Variants in TRMT10A observed in about 807,000 individuals in gnomAD.
The protein encoded by TRMT10A is tRNA methyltransferase 10 homolog A.
A neutral mutation model predicts 40.4 loss-of-function variants in TRMT10A; 37 were observed. The observed-to-expected ratio is 0.92, with a 90% CI of 0.71 to 1.21. The LOEUF (loss-of-function observed/expected upper bound fraction) is 1.21. Ranked by LOEUF, TRMT10A falls within the 50% of genes most tolerant of loss-of-function variation. The pLI, the probability that TRMT10A is intolerant of heterozygous loss-of-function variation, is 0.00. For synonymous variants in TRMT10A, 103 were observed against 134.1 expected (o/e 0.77, Z 1.60); for missense variants, 388 against 404.3 (o/e 0.96, Z 0.35).
At chr4:99,563,797 G>A in intron 1 of TRMT10A, 116 bp downstream of exon 1, 1 of 586,420 alleles carries the variant, frequency 1.7e-6, no homozygotes, top group Non-Finnish European at 3.2e-6. Context: ...CCACACCACT[G>A]CTCCCCTCTC....
Position 99,548,013 on chromosome 4 carries a change from G to C in TRMT10A, c.*1075C>G, listed in dbSNP as rs978337696. On this transcript the variant is annotated 3_prime_UTR_variant, in exon 8 of 8. Coordinates refer to ENST00000394876, the MANE Select transcript of TRMT10A (RefSeq NM_001134665.3). ...TTCTTGCCAATGTTCCCATACAAAC[G>C]TTAAGGATTTTTGTACTTAATAAAA... The C allele has an allele frequency of 6.6e-6, 1 of 151,922 alleles. No homozygotes were observed. Among genetic ancestry groups the C allele is most frequent in the African/African-American group, 2.4e-5 (1 of 41,380 alleles). 9.4% of individuals were successfully genotyped at this position (151,922 alleles called of 1,614,324 possible).
chr4:99,548,998 G>T lies in TRMT10A; in HGVS notation c.*90C>A. ...TTTAAAAATCACAACAGAAATAAGA[G>T]AAAATAAAATGTTCTTCCAATTTCA... On this transcript the variant is annotated 3_prime_UTR_variant, in exon 8 of 8. Transcript: ENST00000394876. 7.5e-7 allele frequency: 1 copy of T among 1,333,746 alleles called. No homozygotes were observed. Among genetic ancestry groups the T allele is most frequent in the Non-Finnish European group, 9.9e-7 (1 of 1,006,766 alleles). The allele number at this position is 1,333,746 out of a possible 1,614,324, so 82.6% of individuals were successfully genotyped here. A position where few individuals can be genotyped will look rare whatever the true frequency, so the allele number is the denominator to read the frequency against.
rs538484510 is a variant in TRMT10A, at chr4:99,555,877, A to C, written c.495+269T>G. Among the ~76,000 whole-genome samples, 13 of 152,338 alleles carry C rather than the reference A, an allele frequency of 8.5e-5. No individual in the cohort carries two copies. In the South Asian group the frequency reaches 2.7e-3, roughly 32 times the overall value. ...AGCTAGTATGTTAGGGAGAAATGAT[A>C]TAAAGGCCCTTAAAATTATTTCTTT... On this transcript the variant is annotated intron_variant, in intron 5 of 7. Coordinates refer to ENST00000394876, the MANE Select transcript of TRMT10A (RefSeq NM_001134665.3).
rs1724058111 is a variant in TRMT10A, at chr4:99,553,912, T to C, written c.518A>G (p.His173Arg). ...TTCTTTCTTTATGAGTTCACTATAG[T>C]GCTCTGGTTTGATATGGATATCCTT... is the stretch of plus-strand genomic sequence containing the variant. Reference protein sequence around the residue: ...NWKDIHIKPEHYSELIKKEDL... With the variant: ...NWKDIHIKPERYSELIKKEDL... The change falls in exon 6 of 8, where the codon CAC (histidine) becomes CGC (arginine). Residue 173 changes from histidine (H) to arginine (R), a missense_variant. By Grantham distance (29) the His-to-Arg change is conservative. Coordinates refer to ENST00000394876, the MANE Select transcript of TRMT10A (RefSeq NM_001134665.3). 1 of 1,613,272 alleles carries C rather than the reference T, an allele frequency of 6.2e-7. No homozygotes were observed. The highest frequency in any genetic ancestry group is 8.5e-7 in the Non-Finnish European group (1 of 1,179,690).
chr4:99,554,050 T>C (rs977253008), intron 5 of TRMT10A, 116 bp from the exon 6 acceptor site: 10 of 1,026,916 alleles, frequency 9.7e-6, no homozygotes, highest in Non-Finnish European at 1.3e-5. Flanking sequence ...AAACAAAGTT[T>C]GAAATAATAT....
chr4:99,557,773 GTAGT>G (rs1321766216), intron 3 of TRMT10A: 3 of 417,308 alleles, frequency 7.2e-6, no homozygotes, highest in Non-Finnish European at 1.3e-5. Flanking sequence ...TGATCAATAA[GTAGT>G]TAATTTAGTT....
At chr4:99,553,320 G>T (rs931285303) in intron 6 of TRMT10A, among the ~76,000 whole-genome samples, 1 of 152,166 alleles carries the variant, frequency 6.6e-6, no homozygotes, top group Non-Finnish European at 1.5e-5. Flanking sequence ...TAAAGGTATG[G>T]ATGGGAAGAG....
rs1723871192 is a variant in TRMT10A, at chr4:99,549,288, G to C, written c.820C>G (p.Gln274Glu). The stretch of plus-strand genomic sequence containing the variant: ...TCTGTGGGAACAGCTCCTTTCCGTT[G>C]GGGCAAGATAGTAAAAAATGCTTCT... ...WQEAFFTILP[Q>E]RKGAVPTDKA... The change falls in exon 8 of 8, where the codon CAA (glutamine) becomes GAA (glutamate). Residue 274 changes from glutamine (Q) to glutamate (E), a missense_variant. Physicochemically the swap from Gln to Glu is conservative, Grantham distance 29 (BLOSUM62 2). Transcript: ENST00000394876. 1 of 1,613,940 alleles carries C rather than the reference G, an allele frequency of 6.2e-7. No individual in the cohort carries two copies. The highest frequency in any genetic ancestry group is 8.5e-7 in the Non-Finnish European group (1 of 1,179,990).
chr4:99,559,034 TA>T (rs2110192372), intron 2 of TRMT10A, 119 bp downstream of exon 2: 8 of 1,130,374 alleles, frequency 7.1e-6, no homozygotes, highest in Admixed American at 2.6e-5. Flanking sequence ...CGCTTTTGTC[TA>T]AAATTAGTAA....
At chr4:99,551,076 T>A in intron 6 of TRMT10A, 86 bp from the exon 7 acceptor site, 1 of 544,518 alleles carries the variant, frequency 1.8e-6, no homozygotes. Flanking sequence ...AGATAAGATT[T>A]ATAGTTCAGA....
intron 1 of TRMT10A, among the ~76,000 whole-genome samples, chr4:99,559,778 G>C (rs1211574008): frequency 3.3e-5 from 5 of 152,150 alleles, no homozygotes; most frequent in Non-Finnish European, 5.9e-5. Flanking sequence ...CTGAATGTCA[G>C]TGAAAGGAAA....
Position 99,553,948 on chromosome 4 carries a change from G to T in TRMT10A, c.496-14C>A. Reference sequence around the variant, plus strand: ...GATATGGATATCCTTTAAGACAACAGGGAAAGAGGTTACTAATTAATAAGA... The same window carrying T: ...GATATGGATATCCTTTAAGACAACATGGAAAGAGGTTACTAATTAATAAGA... On this transcript the variant is annotated splice_polypyrimidine_tract_variant and intron_variant, in intron 5 of 7. Coordinates refer to ENST00000394876, the MANE Select transcript of TRMT10A (RefSeq NM_001134665.3). The T allele has an allele frequency of 1.2e-6, 2 of 1,606,842 alleles. No individual in the cohort carries two copies. Among genetic ancestry groups the T allele is most frequent in the Non-Finnish European group, 1.7e-6 (2 of 1,178,208 alleles).
chr4:99,548,950 T>C lies in TRMT10A; in HGVS notation c.*138A>G. The C allele has an allele frequency of 3.8e-6, 3 of 791,634 alleles. No homozygotes were observed. Among genetic ancestry groups the C allele is most frequent in the South Asian group, 3.5e-5 (1 of 28,740 alleles). The allele number at this position is 791,634 out of a possible 1,614,324, so 49.0% of individuals were successfully genotyped here. On this transcript the variant is annotated 3_prime_UTR_variant, in exon 8 of 8. Coordinates refer to ENST00000394876, the MANE Select transcript of TRMT10A (RefSeq NM_001134665.3). ...GTTTAAAGGGCTTTTTTTTTTATTA[T>C]TATTTAGGTCCAAAAAAAAGTTTTT...
At position 99,563,933 on chromosome 4, in the gene TRMT10A, G is replaced by C. The variant is rs769156013; in HGVS notation, c.-44C>G. Reference sequence around the variant, plus strand: ...CTTACCGAGCTGAAGAGTTGACAGGGAAGTGAAATCTCAGAAAGAAAGCCT... The same window carrying C: ...CTTACCGAGCTGAAGAGTTGACAGGCAAGTGAAATCTCAGAAAGAAAGCCT... On this transcript the variant is annotated 5_prime_UTR_variant, in exon 1 of 8. Transcript: ENST00000394876. 2.4e-6 allele frequency: 2 copies of C among 834,716 alleles called. No individual in the cohort carries two copies. Among genetic ancestry groups the C allele is most frequent in the African/African-American group, 3.4e-5 (2 of 59,444 alleles). The allele number at this position is 834,716 out of a possible 1,614,324, so 51.7% of individuals were successfully genotyped here. A position where few individuals can be genotyped will look rare whatever the true frequency, so the allele number is the denominator to read the frequency against.
At chr4:99,556,039 G>T (rs1724148617) in intron 5 of TRMT10A, 107 bp downstream of exon 5, 2 of 951,098 alleles carry the variant, frequency 2.1e-6, no homozygotes, top group African/African-American at 3.4e-5. Context: ...ATTGCATCTG[G>T]AGATTGTTGT....
At chr4:99,550,155 T>G (rs1383820305) in intron 7 of TRMT10A, among the ~76,000 whole-genome samples, 5 of 152,178 alleles carry the variant, frequency 3.3e-5, no homozygotes, top group Non-Finnish European at 7.3e-5. Context: ...AATTGTATAT[T>G]CAAATGATGG....
intron 3 of TRMT10A, chr4:99,557,806 AGTGT>A (rs1175255247): frequency 6.6e-6 from 3 of 456,384 alleles, no homozygotes; most frequent in Non-Finnish European, 1.2e-5. Context: ...TAGACTACAA[AGTGT>A]GTGTTTGTCT....
chr4:99,550,819 TA>T, intron 7 of TRMT10A, 65 bp downstream of exon 7: 1 of 1,151,506 alleles, frequency 8.7e-7, no homozygotes, highest in Non-Finnish European at 1.3e-6. Flanking sequence ...GTTCAAATAC[TA>T]AATGTAATAT....
intron 1 of TRMT10A, 159 bp downstream of exon 1, chr4:99,563,754 T>A: frequency 2.3e-6 from 1 of 443,834 alleles, no homozygotes; most frequent in Non-Finnish European, 4.3e-6. Flanking sequence ...TCGACGTCAT[T>A]TCCTTCAGCA....
Sources: gnomAD v4.1 joint callset for allele counts (sites outside exome capture counted in the v4.1 genomes callset) on GRCh38, gnomAD v4.1.1 for gene constraint, MANE v1.5 for transcripts, NCBI Gene and HGNC (gene_info 2026-07-23, HGNC 2026-07-21) for gene names.